Variants in HSF2BP observed in about 807,000 individuals in gnomAD.
The protein encoded by HSF2BP is heat shock transcription factor 2 binding protein.
Under a neutral mutation model 35.0 loss-of-function variants are expected in HSF2BP, and 35 were observed. The ratio of observed to expected loss-of-function variants is 1.00; its 90% CI spans 0.76 to 1.32. The LOEUF (loss-of-function observed/expected upper bound fraction) is 1.32, where lower values mean the gene tolerates loss of function less well. Ranked by LOEUF, HSF2BP falls within the 40% of genes most tolerant of loss-of-function variation. HSF2BP has a pLI of 0.00. For missense variants in HSF2BP, 326 were observed against 321.7 expected (o/e 1.01, Z -0.10); for synonymous variants, 114 against 117.4 (o/e 0.97, Z 0.18).
chr21:43,598,172 G>C (rs58000149), intron 7 of HSF2BP, among the ~76,000 whole-genome samples: 1 of 151,894 alleles, frequency 6.6e-6, no homozygotes, highest in Non-Finnish European at 1.5e-5. Flanking sequence ...TGTGACCATA[G>C]GCACTTTCTT....
At chr21:43,614,226 C>T (rs906821818) in intron 6 of HSF2BP, among the ~76,000 whole-genome samples, 11 of 151,742 alleles carry the variant, frequency 7.2e-5, no homozygotes, top group Non-Finnish European at 1.3e-4. Flanking sequence ...TAGCCGGGCA[C>T]GGTGTGTGCA....
At chr21:43,612,088 C>T (rs1234391004) in intron 7 of HSF2BP, among the ~76,000 whole-genome samples, 1 of 152,064 alleles carries the variant, frequency 6.6e-6, no homozygotes, top group Non-Finnish European at 1.5e-5. Context: ...GAAAACAGGA[C>T]GACACACTGA....
At chr21:43,654,644 A>G (rs985858200) in intron 3 of HSF2BP, among the ~76,000 whole-genome samples, 6 of 152,196 alleles carry the variant, frequency 3.9e-5, no homozygotes, top group African/African-American at 1.4e-4. Context: ...TAGACTGATT[A>G]GGCTAGGGCA....
intron 4 of HSF2BP, among the ~76,000 whole-genome samples, chr21:43,643,336 A>G (rs1381823850): frequency 1.3e-5 from 2 of 151,940 alleles, no homozygotes; most frequent in Non-Finnish European, 1.5e-5. Context: ...TTGATCCCCA[A>G]TGTGGCACTC....
chr21:43,592,317 A>AT lies in HSF2BP; in HGVS notation c.703dup (p.Met235AsnfsTer32). 1 of 1,610,470 alleles carries AT rather than the reference A, an allele frequency of 6.2e-7. No individual in the cohort carries two copies. The highest frequency in any genetic ancestry group is 8.5e-7 in the Non-Finnish European group (1 of 1,176,700). On this transcript the variant is annotated frameshift_variant, in exon 8 of 9. Coordinates refer to ENST00000291560, the MANE Select transcript of HSF2BP (RefSeq NM_007031.2). LOFTEE classifies it high-confidence loss of function. ...ATTGATGCTTACATTGTATAGGGAC[A>AT]TCAGCATTAGCCTGAAATGTAAAAG...
chr21:43,576,290 C>T (rs2146680143), intron 8 of HSF2BP, among the ~76,000 whole-genome samples: 2 of 152,274 alleles, frequency 1.3e-5, no homozygotes, highest in East Asian at 3.9e-4. Context: ...TAATTGTCTG[C>T]AAGCCTTAAA....
At position 43,592,284 on chromosome 21, in the gene HSF2BP, C is replaced by G; in HGVS notation, c.737G>C (p.Gly246Ala). 1 of 1,613,914 alleles carries G rather than the reference C, an allele frequency of 6.2e-7. No homozygotes were observed. Among genetic ancestry groups the G allele is most frequent in the Non-Finnish European group, 8.5e-7 (1 of 1,179,860 alleles). Residue 246 changes from glycine (G) to alanine (A), a missense_variant, in exon 8 of 9, where the codon GGC (glycine) becomes GCC (alanine). Physicochemically the swap from Gly to Ala is moderately conservative, Grantham distance 60. Coordinates refer to ENST00000291560, the MANE Select transcript of HSF2BP (RefSeq NM_007031.2). ...TGGACTCTCGCTGATGTATTTCAAG[C>G]CTTTCAAATTGATGCTTACATTGTA... is the stretch of plus-strand genomic sequence containing the variant. ...SLYNVSINLKGLKYISESPGF... is the reference protein window; with the variant it reads ...SLYNVSINLKALKYISESPGF...
chr21:43,467,957 AC>A, the HSF2BP span, among the ~76,000 whole-genome samples: 2 of 63,418 alleles, frequency 3.2e-5, no homozygotes, highest in African/African-American at 1.3e-4. Context: ...CACACACCAC[AC>A]TTACACCACA....
At chr21:43,640,794 T>G (rs2082626353) in intron 4 of HSF2BP, among the ~76,000 whole-genome samples, 1 of 151,056 alleles carries the variant, frequency 6.6e-6, no homozygotes, top group South Asian at 2.1e-4. Flanking sequence ...ACCAAAAAAT[T>G]TTAACCAAAA....
intron 7 of HSF2BP, among the ~76,000 whole-genome samples, chr21:43,608,754 G>T (rs1294098118): frequency 6.6e-6 from 1 of 152,014 alleles, no homozygotes. Context: ...TTGAGTTCAG[G>T]AGTTCAAGAC....
intron 8 of HSF2BP, among the ~76,000 whole-genome samples, chr21:43,574,523 A>G (rs2081616847): frequency 6.6e-6 from 1 of 151,944 alleles, no homozygotes; most frequent in Non-Finnish European, 1.5e-5. Context: ...ACGCCTAGCT[A>G]ATTTTTTATA....
chr21:43,650,239 C>T (rs984811102), intron 3 of HSF2BP, among the ~76,000 whole-genome samples: 4 of 152,110 alleles, frequency 2.6e-5, no homozygotes, highest in African/African-American at 7.2e-5. Context: ...CAGAGTCTCG[C>T]TCTGTCGCCC....
At chr21:43,652,886 G>C (rs1000513739) in intron 3 of HSF2BP, among the ~76,000 whole-genome samples, 1 of 152,074 alleles carries the variant, frequency 6.6e-6, no homozygotes, top group Non-Finnish European at 1.5e-5. Context: ...CTGTAATCCA[G>C]TGCTTTGGGA....
At chr21:43,624,191 G>A (rs1027210109) in intron 6 of HSF2BP, among the ~76,000 whole-genome samples, 2 of 152,110 alleles carry the variant, frequency 1.3e-5, no homozygotes, top group African/African-American at 4.8e-5. Flanking sequence ...ACAAATGCTC[G>A]TATCAGCATT....
In HSF2BP at chr21:43,628,770, C is replaced by A. The variant is rs544684796; in HGVS notation, c.574+1552G>T. Among the ~76,000 whole-genome samples the A allele has an allele frequency of 7.2e-5, 11 of 152,334 alleles. No homozygotes were observed. In the East Asian group the frequency reaches 2.1e-3, roughly 29 times the overall value. On this transcript the variant is annotated intron_variant, in intron 6 of 8. Transcript: ENST00000291560. Reference sequence around the variant, plus strand: ...TTCAAAGCATCAAAAGACAGGCTGACTCTCTTGTTAGGGGCCAATGGTGCG... The same window carrying A: ...TTCAAAGCATCAAAAGACAGGCTGAATCTCTTGTTAGGGGCCAATGGTGCG...
intron 8 of HSF2BP, among the ~76,000 whole-genome samples, chr21:43,580,409 C>T (rs1438625567): frequency 1.3e-5 from 2 of 152,144 alleles, no homozygotes; most frequent in Non-Finnish European, 2.9e-5. Flanking sequence ...CTTTGACGTA[C>T]GAAGTGGCCA....
At chr21:43,656,040 T>C (rs1249332742) in intron 3 of HSF2BP, among the ~76,000 whole-genome samples, 2 of 152,204 alleles carry the variant, frequency 1.3e-5, no homozygotes, top group African/African-American at 2.4e-5. Context: ...AAGCAAGTGC[T>C]GAGACAATCT....
intron 7 of HSF2BP, among the ~76,000 whole-genome samples, chr21:43,595,962 CGCCCACCTCA>C (rs1327830663): frequency 6.6e-6 from 1 of 151,578 alleles, no homozygotes; most frequent in Non-Finnish European, 1.5e-5. Context: ...CCTCATGATC[CGCCCACCTCA>C]GCCTCCCAAC....
chr21:43,590,558 C>A (rs370283754), intron 8 of HSF2BP, among the ~76,000 whole-genome samples: 3 of 152,282 alleles, frequency 2.0e-5, no homozygotes, highest in African/African-American at 7.2e-5. Flanking sequence ...GTATAGTAGT[C>A]AAAAGCTGGA....
Sources: allele counts gnomAD v4.1 joint callset (sites outside exome capture counted in the v4.1 genomes callset), GRCh38; gene constraint gnomAD v4.1.1; transcripts MANE v1.5; gene names NCBI Gene and HGNC (gene_info 2026-07-23, HGNC 2026-07-21).